The following FBXL20 variants were observed in gnomAD, a reference collection of about 807,000 sequenced individuals.
The protein encoded by FBXL20 is F-box/LRR-repeat protein 20.
FBXL20 carries 11 observed loss-of-function variants against 64.0 expected under a neutral mutation model. The ratio of observed to expected loss-of-function variants is 0.17; its 90% confidence interval spans 0.11 to 0.28. FBXL20 has a LOEUF of 0.28. Among genes scored for constraint, FBXL20 ranks in the 10% least tolerant of loss-of-function variants. The pLI, the probability that FBXL20 is intolerant of heterozygous loss-of-function variation, is 1.00. For missense variants in FBXL20, 303 were observed against 526.2 expected (o/e 0.58, Z 4.15); for synonymous variants, 184 against 189.0 (o/e 0.97, Z 0.22).
intron 9 of FBXL20, among the ~76,000 whole-genome samples, chr17:39,276,498 G>A (rs909050366): frequency 1.2e-4 from 18 of 151,732 alleles, no homozygotes; most frequent in Non-Finnish European, 2.5e-4. Flanking sequence ...GTGAAACCCC[G>A]TCTCTACTAA....
chr17:39,401,712 G>C, upstream of FBXL20: 1 of 1,111,300 alleles, frequency 9.0e-7, no homozygotes. Context: ...CCGGGCCTCG[G>C]AGCGCCCGGG....
At chr17:39,338,078 G>A (rs1249439923) in intron 2 of FBXL20, among the ~76,000 whole-genome samples, 3 of 152,184 alleles carry the variant, frequency 2.0e-5, no homozygotes, top group African/African-American at 7.2e-5. Context: ...TGACAATGGC[G>A]CTTTTGTGGA....
rs58129353 is a variant in FBXL20, at chr17:39,261,295, G to GGTGTGT, written c.*159_*164dup. 2,222 of 625,918 alleles carry GGTGTGT rather than the reference G, an allele frequency of 3.5e-3. 34 individuals carry two copies. The African/African-American group carries it at 0.036, about 10-fold the overall frequency. 38.8% of individuals were successfully genotyped at this position (625,918 alleles called of 1,614,324 possible). ...CAAAGCTAGAGTGGATGGGGGTAAG[G>GGTGTGT]GTGTGTATGTGTATGTATGTGTGGC... On this transcript the variant is annotated 3_prime_UTR_variant, in exon 15 of 15. Coordinates refer to ENST00000264658, the MANE Select transcript of FBXL20 (RefSeq NM_032875.3).
At chr17:39,286,167 A>C (rs957011576) in intron 6 of FBXL20, among the ~76,000 whole-genome samples, 1 of 152,190 alleles carries the variant, frequency 6.6e-6, no homozygotes, top group Non-Finnish European at 1.5e-5. Flanking sequence ...AAACAAGAGT[A>C]AATAATACAG....
rs904774073 is a variant in FBXL20 at position 39,257,745 on chromosome 17, G to A, written c.*3715C>T. 1.3e-5 allele frequency: 2 copies of A among 152,302 alleles called. No individual in the cohort carries two copies. The highest frequency in any genetic ancestry group is 4.8e-5 in the African/African-American group (2 of 41,424). 9.4% of individuals were successfully genotyped at this position (152,302 alleles called of 1,614,324 possible). ...TTTGACAGCCCCTGGAGTAGGAGAAGGATTCAAAAAGGAAGCTAGACTTGA... is the reference window on the plus strand; with the variant it reads ...TTTGACAGCCCCTGGAGTAGGAGAAAGATTCAAAAAGGAAGCTAGACTTGA... On this transcript the variant is annotated 3_prime_UTR_variant, in exon 15 of 15. Coordinates refer to ENST00000264658, the MANE Select transcript of FBXL20 (RefSeq NM_032875.3).
intron 1 of FBXL20, among the ~76,000 whole-genome samples, chr17:39,373,490 C>CA (rs929128666): frequency 4.6e-5 from 7 of 152,154 alleles, no homozygotes; most frequent in Admixed American, 6.5e-5. Context: ...TACTGAAAAC[C>CA]AGATCTTCCA....
intron 2 of FBXL20, among the ~76,000 whole-genome samples, chr17:39,314,317 A>G (rs941995182): frequency 2.0e-5 from 3 of 152,020 alleles, no homozygotes; most frequent in African/African-American, 7.3e-5. Context: ...CAGTTAATGG[A>G]CAATTGGGTT....
intron 6 of FBXL20, among the ~76,000 whole-genome samples, chr17:39,295,283 T>C (rs1258818914): frequency 1.3e-5 from 2 of 152,194 alleles, no homozygotes; most frequent in Admixed American, 6.6e-5. Context: ...GGTTTTTTCT[T>C]TGAACCAGAG....
At chr17:39,305,386 A>G (rs920925820) in intron 2 of FBXL20, among the ~76,000 whole-genome samples, 2 of 152,192 alleles carry the variant, frequency 1.3e-5, no homozygotes, top group Non-Finnish European at 2.9e-5. Flanking sequence ...ACCTGTGCAA[A>G]TAGTTCAGGG....
chr17:39,338,073 A>G (rs937201908), intron 2 of FBXL20, among the ~76,000 whole-genome samples: 2 of 152,278 alleles, frequency 1.3e-5, no homozygotes, highest in South Asian at 4.2e-4. Flanking sequence ...CATGATGACA[A>G]TGGCGCTTTT....
At chr17:39,382,715 C>G (rs1341078198) in intron 1 of FBXL20, among the ~76,000 whole-genome samples, 2 of 151,850 alleles carry the variant, frequency 1.3e-5, no homozygotes, top group Non-Finnish European at 1.5e-5. Flanking sequence ...GTGGCATGCA[C>G]CTGTAGCGCA....
At chr17:39,350,203 T>C (rs2047674349) in intron 1 of FBXL20, among the ~76,000 whole-genome samples, 1 of 152,040 alleles carries the variant, frequency 6.6e-6, no homozygotes, top group Non-Finnish European at 1.5e-5. Flanking sequence ...ATTTCACATA[T>C]AAAAACAAAG....
At chr17:39,383,339 G>C (rs1056248458) in intron 1 of FBXL20, among the ~76,000 whole-genome samples, 2 of 152,056 alleles carry the variant, frequency 1.3e-5, no homozygotes, top group Non-Finnish European at 2.9e-5. Context: ...GAAAAACCTT[G>C]GTCGGGTATG....
chr17:39,316,300 C>CACAT (rs1262550497), intron 2 of FBXL20, among the ~76,000 whole-genome samples: 1 of 151,918 alleles, frequency 6.6e-6, no homozygotes, highest in African/African-American at 2.4e-5. Flanking sequence ...CATATACACA[C>CACAT]ACACACACAC....
At chr17:39,315,829 CAGAGAGAG>C (rs141728220) in intron 2 of FBXL20, among the ~76,000 whole-genome samples, 3,580 of 129,688 alleles carry the variant, frequency 0.028, 84 homozygotes, top group African/African-American at 0.054. Flanking sequence ...GAGAGAGAGA[CAGAGAGAG>C]AGAGAGAGAG....
chr17:39,344,147 C>T (rs1400051563), intron 1 of FBXL20, among the ~76,000 whole-genome samples: 3 of 152,136 alleles, frequency 2.0e-5, no homozygotes, highest in Non-Finnish European at 1.5e-5. Flanking sequence ...CAGGCATGAG[C>T]CACCATACCT....
chr17:39,298,240 T>C (rs1195563220), intron 5 of FBXL20, among the ~76,000 whole-genome samples: 5 of 152,088 alleles, frequency 3.3e-5, no homozygotes, highest in Non-Finnish European at 7.4e-5. Context: ...TCACTCAGTA[T>C]CCCAAGTAGC....
chr17:39,386,367 G>A (rs896838183), intron 1 of FBXL20, among the ~76,000 whole-genome samples: 6 of 151,756 alleles, frequency 4.0e-5, no homozygotes, highest in African/African-American at 4.8e-5. Flanking sequence ...CGTGACTCAC[G>A]CCTGTAATCT....
intron 2 of FBXL20, among the ~76,000 whole-genome samples, chr17:39,318,815 T>C (rs1908516804): frequency 6.6e-6 from 1 of 152,152 alleles, no homozygotes; most frequent in South Asian, 2.1e-4. Flanking sequence ...CAACTTCCTC[T>C]TCTTCTTAAA....
Sources: allele counts gnomAD v4.1 joint callset (sites outside exome capture counted in the v4.1 genomes callset), GRCh38; gene constraint gnomAD v4.1.1; transcripts MANE v1.5; gene names NCBI Gene and HGNC (gene_info 2026-07-23, HGNC 2026-07-21).